The following FLNB variants were observed in gnomAD, a reference collection of about 807,000 sequenced individuals.
FLNB encodes filamin-B.
In FLNB, 111 loss-of-function variants were observed where a neutral mutation model predicts 250.6. That is an observed-to-expected ratio of 0.44 (90% CI 0.38 to 0.52). FLNB has a LOEUF of 0.52. Among genes scored for constraint, FLNB ranks in the 20% least tolerant of loss-of-function variants. The pLI is 0.00. For synonymous variants in FLNB, 1,302 were observed against 1,372.1 expected (o/e 0.95, Z 1.13); for missense variants, 2,869 against 3,447.8 (o/e 0.83, Z 4.20).
At chr3:58,114,687 C>T (rs1209384166) in intron 18 of FLNB, among the ~76,000 whole-genome samples, 1 of 148,970 alleles carries the variant, frequency 6.7e-6, no homozygotes, top group Non-Finnish European at 1.5e-5. Flanking sequence ...CACATCCTTG[C>T]TAACATTTGT....
rs554502760 is a variant in FLNB at position 58,027,905 on chromosome 3, T to C, written c.292+19049T>C. On this transcript the variant is annotated intron_variant, in intron 1 of 45. Coordinates refer to ENST00000295956, the MANE Select transcript of FLNB (RefSeq NM_001457.4). The stretch of plus-strand genomic sequence containing the variant: ...ACCATAAATAAACCCCAAACAGTTA[T>C]TAAATTCCAGCCAGCACTGTTGCCT... Among the ~76,000 whole-genome samples, 5 of 152,326 alleles carry C rather than the reference T, an allele frequency of 3.3e-5. No homozygotes were observed. The East Asian group carries it at 7.7e-4, about 23-fold the overall frequency.
At chr3:58,113,970 C>T (rs886958187) in intron 18 of FLNB, among the ~76,000 whole-genome samples, 10 of 152,144 alleles carry the variant, frequency 6.6e-5, no homozygotes, top group African/African-American at 2.4e-4. Context: ...TGAGCCACTG[C>T]GCCTGACCTC....
At chr3:58,087,850 C>T (rs1292774257) in intron 4 of FLNB, among the ~76,000 whole-genome samples, 1 of 152,076 alleles carries the variant, frequency 6.6e-6, no homozygotes, top group East Asian at 1.9e-4. Flanking sequence ...AAGTAATTCT[C>T]CTGCCTCAGC....
Position 58,150,017 on chromosome 3 carries a change from T to C in FLNB, c.6244+15T>C, listed in dbSNP as rs778940132. 1.2e-6 allele frequency: 2 copies of C among 1,614,142 alleles called. No individual in the cohort carries two copies. The highest frequency in any genetic ancestry group is 2.2e-5 in the East Asian group (1 of 44,900). Reference sequence around the variant, plus strand: ...GCACGTGCCTGGTATGTGCATTCCATTCCCCTCCAGGTGGGATGCTTGGGT... The same window carrying C: ...GCACGTGCCTGGTATGTGCATTCCACTCCCCTCCAGGTGGGATGCTTGGGT... On this transcript the variant is annotated intron_variant, in intron 37 of 45. Coordinates refer to ENST00000295956, the MANE Select transcript of FLNB (RefSeq NM_001457.4).
Position 58,124,490 on chromosome 3 carries a change from A to G in FLNB, c.3883A>G (p.Thr1295Ala), listed in dbSNP as rs201159546. Reference protein sequence around the residue: ...NADGTYQVEYTPFEKGLHVVE... With the variant: ...NADGTYQVEYAPFEKGLHVVE... ...GGATGGGACCTACCAGGTGGAATAC[A>G]CACCCTTTGAGAAAGGTGAGCCGCC... Residue 1295 changes from threonine to alanine, a missense_variant, in exon 22 of 46, where the codon ACA (threonine) becomes GCA (alanine). Coordinates refer to ENST00000295956, the MANE Select transcript of FLNB (RefSeq NM_001457.4). 1 of 1,614,168 alleles carries G rather than the reference A, an allele frequency of 6.2e-7. No homozygotes were observed. The highest frequency in any genetic ancestry group is 8.5e-7 in the Non-Finnish European group (1 of 1,180,016).
At chr3:58,137,867 C>T (rs949038992) in intron 28 of FLNB, among the ~76,000 whole-genome samples, 3 of 152,196 alleles carry the variant, frequency 2.0e-5, no homozygotes, top group Non-Finnish European at 2.9e-5. Context: ...CTTAGTTCCT[C>T]TTCAGCATTT....
At chr3:58,155,896 G>T in intron 40 of FLNB, 64 bp from the exon 41 acceptor site, 2 of 1,159,880 alleles carry the variant, frequency 1.7e-6, no homozygotes, top group Non-Finnish European at 2.6e-6. Context: ...AGCCCTTGGT[G>T]AGAAGCAAGA....
At position 58,050,917 on chromosome 3, in the gene FLNB, G is replaced by A. The variant is rs188041015; in HGVS notation, c.293-26129G>A. Among the ~76,000 whole-genome samples, 6 of 152,330 alleles carry A rather than the reference G, an allele frequency of 3.9e-5. No homozygotes were observed. The East Asian group carries it at 9.6e-4, about 24-fold the overall frequency. ...TATTTGTTCCTATTGCGGGTGAAGC[G>A]CTGCTGTTGGGATGCTCAGGTAACT... is the stretch of plus-strand genomic sequence containing the variant. On this transcript the variant is annotated intron_variant, in intron 1 of 45. Coordinates refer to ENST00000295956, the MANE Select transcript of FLNB (RefSeq NM_001457.4).
chr3:58,144,934 T>C (rs567418330), intron 32 of FLNB, among the ~76,000 whole-genome samples: 1 of 152,238 alleles, frequency 6.6e-6, no homozygotes, highest in Non-Finnish European at 1.5e-5. Context: ...GGCCTGTTTT[T>C]CTATTTGGTT....
At chr3:58,020,048 G>GGTGTGTGT (rs373280518) in intron 1 of FLNB, among the ~76,000 whole-genome samples, 3,359 of 136,874 alleles carry the variant, frequency 0.025, 64 homozygotes, top group African/African-American at 0.039. Context: ...ACACCACAGG[G>GGTGTGTGT]GTGTGTGTGT....
chr3:58,041,789 G>A lies in FLNB; in HGVS notation c.292+32933G>A, dbSNP rs145376489. 9.2e-5 allele frequency among the ~76,000 whole-genome samples: 14 copies of A among 152,174 alleles called. 1 individual carries two copies. Among genetic ancestry groups the A allele is most frequent in the African/African-American group, 3.4e-4 (14 of 41,528 alleles). On this transcript the variant is annotated intron_variant, in intron 1 of 45. Coordinates refer to ENST00000295956, the MANE Select transcript of FLNB (RefSeq NM_001457.4). ...CAAATCCTTCCTGGAACCCTGCTTG[G>A]CTTTTCTTTGTGGGCTTCCCTTAGG... is the stretch of plus-strand genomic sequence containing the variant.
chr3:58,052,588 A>G (rs567127886), intron 1 of FLNB, among the ~76,000 whole-genome samples: 1 of 152,266 alleles, frequency 6.6e-6, no homozygotes, highest in East Asian at 1.9e-4. Context: ...AAGCTGCAAA[A>G]ATTGCAGCTT....
rs2106950571 is a variant in FLNB, at chr3:58,078,408, A to C, written c.542-309A>C. ...GAGTAAAAAATAAAATCCCTCCTGC[A>C]TAAAGGCACCAGGCTTTTTCCAAGC... On this transcript the variant is annotated intron_variant, in intron 2 of 45. Coordinates refer to ENST00000295956, the MANE Select transcript of FLNB (RefSeq NM_001457.4). The C allele has an allele frequency of 4.6e-6, 7 of 1,534,736 alleles. No individual in the cohort carries two copies. In the South Asian group the frequency reaches 4.8e-5, roughly 10 times the overall value.
chr3:58,092,916 A>T lies in FLNB; in HGVS notation c.788-1920A>T, dbSNP rs144154107. The stretch of plus-strand genomic sequence containing the variant: ...CTCCAATTTTATGTGGACAACAAGT[A>T]GGTGTCCTATAATCAATTCCCTTCA... On this transcript the variant is annotated intron_variant, in intron 4 of 45. Coordinates refer to ENST00000295956, the MANE Select transcript of FLNB (RefSeq NM_001457.4). 3.3e-3 allele frequency among the ~76,000 whole-genome samples: 499 copies of T among 152,338 alleles called. 1 individual carries two copies. The highest frequency in any genetic ancestry group is 0.011 in the African/African-American group (476 of 41,578).
At chr3:58,163,105 G>A in intron 42 of FLNB, 49 bp from the exon 43 acceptor site, 1 of 1,581,864 alleles carries the variant, frequency 6.3e-7, no homozygotes, top group Non-Finnish European at 8.7e-7. Flanking sequence ...CTGAACTCAG[G>A]GGTGTCCATT....
Position 58,123,551 on chromosome 3 carries a change from G to T in FLNB, c.3585G>T (p.Val1195=). The T allele has an allele frequency of 6.2e-7, 1 of 1,608,586 alleles. No individual in the cohort carries two copies. The highest frequency in any genetic ancestry group is 8.5e-7 in the Non-Finnish European group (1 of 1,177,804). ...NKDGTYAVTY[V]PLTAGMYTLT... is the part of the protein sequence containing the mutation. The stretch of plus-strand genomic sequence containing the variant: ...ATGGCACCTACGCGGTGACCTACGT[G>T]CCCCTGACGGCCGGCATGTACACGT... The change falls in exon 21 of 46, where the codon GTG becomes GTT. Residue 1195 remains valine, a synonymous_variant. Transcript: ENST00000295956.
intron 13 of FLNB, 97 bp downstream of exon 13, chr3:58,108,668 T>A: frequency 1.3e-6 from 1 of 764,380 alleles, no homozygotes; most frequent in Non-Finnish European, 2.3e-6. Flanking sequence ...TTCAGTTTCC[T>A]CATCTGCACC....
chr3:58,098,239 A>T (rs2097242524), intron 7 of FLNB, among the ~76,000 whole-genome samples: 1 of 152,244 alleles, frequency 6.6e-6, no homozygotes, highest in South Asian at 2.1e-4. Context: ...CAGAAGAAGG[A>T]AACATTCAAC....
At chr3:58,099,613 C>T (rs2097245940) in intron 8 of FLNB, among the ~76,000 whole-genome samples, 1 of 152,150 alleles carries the variant, frequency 6.6e-6, no homozygotes, top group Non-Finnish European at 1.5e-5. Flanking sequence ...TTTCCCTGTT[C>T]TGTCCTCTGA....
Sources: gnomAD v4.1 joint callset for allele counts (sites outside exome capture counted in the v4.1 genomes callset) on GRCh38, gnomAD v4.1.1 for gene constraint, MANE v1.5 for transcripts, NCBI Gene and HGNC (gene_info 2026-07-23, HGNC 2026-07-21) for gene names.